LMNB1: variants seen among roughly 807,000 people sequenced by gnomAD.
LMNB1 encodes the protein lamin B1.
Under a neutral mutation model 67.1 loss-of-function variants are expected in LMNB1, and 23 were observed. The ratio of observed to expected loss-of-function variants is 0.34; its 90% CI spans 0.25 to 0.49. LMNB1 has a LOEUF of 0.49. LMNB1 is among the 20% of genes least tolerant of loss of function. The pLI, the probability that LMNB1 is intolerant of heterozygous loss-of-function variation, is 0.99. For missense variants in LMNB1, 634 were observed against 746.5 expected (o/e 0.85, Z 1.76); for synonymous variants, 281 against 282.9 (o/e 0.99, Z 0.07).
In LMNB1 at chr5:126,805,567, A is replaced by T. The variant is rs899901523; in HGVS notation, c.517-4A>T. On this transcript the variant is annotated splice_polypyrimidine_tract_variant and splice_region_variant and intron_variant, in intron 2 of 10. Transcript: ENST00000261366. ...TTTATCACAATTCTTTTTCCTTGTA[A>T]TAGTTGGAAGCCTCCTTAGCTGCAG... is the stretch of plus-strand genomic sequence containing the variant. 1 of 1,588,300 alleles carries T rather than the reference A, an allele frequency of 6.3e-7. No homozygotes were observed. The highest frequency in any genetic ancestry group is 8.6e-7 in the Non-Finnish European group (1 of 1,161,746).
Position 126,833,300 on chromosome 5 carries a change from TAAAG to T in LMNB1, c.1719+503_1719+506del, listed in dbSNP as rs199612875. ...GTTGGGCTTTTGAGAGCCCTTGAAATAAAGAAACTCCAAATTTGGTTTTAATTAT... is the reference window on the plus strand; with the variant it reads ...GTTGGGCTTTTGAGAGCCCTTGAAATAAACTCCAAATTTGGTTTTAATTAT... On this transcript the variant is annotated intron_variant, in intron 10 of 10. Coordinates refer to ENST00000261366, the MANE Select transcript of LMNB1 (RefSeq NM_005573.4). 8.8e-3 allele frequency among the ~76,000 whole-genome samples: 1,343 copies of T among 152,306 alleles called. 11 individuals are homozygous for T. Among genetic ancestry groups the T allele is most frequent in the Non-Finnish European group, 0.01 (714 of 68,014 alleles).
intron 3 of LMNB1, among the ~76,000 whole-genome samples, chr5:126,807,313 T>C (rs1561745552): frequency 6.6e-6 from 1 of 152,224 alleles, no homozygotes; most frequent in South Asian, 2.1e-4. Context: ...TAGGAATTCA[T>C]TGTAGCAGTT....
rs1429293019 is a variant in LMNB1, at chr5:126,822,790, A to G, written c.1396A>G (p.Met466Val). Residue 466 changes from methionine (M) to valine (V), a missense_variant, in exon 8 of 11, where the codon ATG becomes GTG. Physicochemically the swap from Met to Val is conservative, Grantham distance 21 (BLOSUM62 1). Transcript: ENST00000261366. ...TCCTTTCTGTGTGTAGGATCAACCA[A>G]TGGGAGGCTGGGAGATGATCAGAAA... ...LKNTSEQDQP[M>V]GGWEMIRKIG... 85 of 1,606,056 alleles carry G rather than the reference A, an allele frequency of 5.3e-5. No homozygotes were observed. Among genetic ancestry groups the G allele is most frequent in the Non-Finnish European group, 7.1e-5 (83 of 1,173,026 alleles).
chr5:126,798,450 AAAAC>A (rs1216559112), intron 1 of LMNB1, among the ~76,000 whole-genome samples: 2 of 152,172 alleles, frequency 1.3e-5, no homozygotes, highest in African/African-American at 2.4e-5. Flanking sequence ...ACTCTGTCTC[AAAAC>A]AAACAAACAA....
In LMNB1 at chr5:126,777,403, G is replaced by T; in HGVS notation, c.-106G>T. On this transcript the variant is annotated 5_prime_UTR_variant, in exon 1 of 11. Transcript: ENST00000261366. ...TAAACGCCAGCGTCTGGACGTGAGC[G>T]CAGGTCGCCGGTTTGTGCCTTCGGT... is the stretch of plus-strand genomic sequence containing the variant. 1 of 1,197,848 alleles carries T rather than the reference G, an allele frequency of 8.3e-7. No individual in the cohort carries two copies. Among genetic ancestry groups the T allele is most frequent in the Non-Finnish European group, 1.0e-6 (1 of 954,008 alleles). 74.2% of individuals were successfully genotyped at this position (1,197,848 alleles called of 1,614,324 possible). A position where few individuals can be genotyped will look rare whatever the true frequency, so the allele number is the denominator to read the frequency against.
In LMNB1 at chr5:126,819,162, C is replaced by A; in HGVS notation, c.1160+20C>A. ...AGAGAGGTAAGGAACTTAAGGGTCA[C>A]CCTACCTTATGGTCCACTTTTTGCC... is the stretch of plus-strand genomic sequence containing the variant. On this transcript the variant is annotated intron_variant, in intron 6 of 10. Coordinates refer to ENST00000261366, the MANE Select transcript of LMNB1 (RefSeq NM_005573.4). 2 of 1,568,900 alleles carry A rather than the reference C, an allele frequency of 1.3e-6. No homozygotes were observed. The highest frequency in any genetic ancestry group is 1.8e-6 in the Non-Finnish European group (2 of 1,142,300).
At chr5:126,791,703 GTGGTCC>G (rs1399837212) in intron 1 of LMNB1, among the ~76,000 whole-genome samples, 2 of 151,968 alleles carry the variant, frequency 1.3e-5, no homozygotes, top group Admixed American at 1.3e-4. Context: ...CTGAGCTCAA[GTGGTCC>G]TTCTGCCTCA....
intron 3 of LMNB1, among the ~76,000 whole-genome samples, chr5:126,809,298 A>T (rs1283323329): frequency 4.6e-5 from 7 of 152,252 alleles, no homozygotes; most frequent in Non-Finnish European, 8.8e-5. Context: ...TAATATTGTT[A>T]ATAAGATCCT....
At chr5:126,831,106 T>C (rs1261447282) in intron 9 of LMNB1, among the ~76,000 whole-genome samples, 1 of 152,224 alleles carries the variant, frequency 6.6e-6, no homozygotes, top group African/African-American at 2.4e-5. Flanking sequence ...AAACACATTA[T>C]TGGGCATATT....
chr5:126,795,273 G>C (rs1751058304), intron 1 of LMNB1, among the ~76,000 whole-genome samples: 3 of 151,968 alleles, frequency 2.0e-5, no homozygotes. Context: ...TAGTAGCTGG[G>C]ACTACAGGCA....
At position 126,777,270 on chromosome 5, in the gene LMNB1, C is replaced by A; in HGVS notation, c.-239C>A. 1 of 372,188 alleles carries A rather than the reference C, an allele frequency of 2.7e-6. No homozygotes were observed. Among genetic ancestry groups the A allele is most frequent in the East Asian group, 4.1e-5 (1 of 24,360 alleles). The allele number at this position is 372,188 out of a possible 1,614,324, so 23.1% of individuals were successfully genotyped here. On this transcript the variant is annotated 5_prime_UTR_variant, in exon 1 of 11. Transcript: ENST00000261366. ...GTGAGTGGGTGTGTGTGTTTTCTTA[C>A]AAAGGGTATTTCGCGATCGATCGAT...
Position 126,832,767 on chromosome 5 carries a change from G to T in LMNB1, c.1685G>T (p.Gly562Val). ...EEEEEEEEAAGVVVEEELFHQ... is the reference protein window; with the variant it reads ...EEEEEEEEAAVVVVEEELFHQ... ...GAGGAGGAGGAGGAAGAAGCAGCTG[G>T]AGTGGTTGTTGAGGAAGAACTTTTC... Residue 562 changes from glycine to valine, a missense_variant, in exon 10 of 11, where the codon GGA (glycine) becomes GTA (valine). Physicochemically the swap from Gly to Val is moderately radical, Grantham distance 109. Transcript: ENST00000261366. The T allele has an allele frequency of 1.2e-6, 2 of 1,612,286 alleles. No homozygotes were observed. Among genetic ancestry groups the T allele is most frequent in the Non-Finnish European group, 1.7e-6 (2 of 1,178,970 alleles).
At chr5:126,784,014 ATTTTTTTTTTTTT>A (rs61578729) in intron 1 of LMNB1, among the ~76,000 whole-genome samples, 8 of 59,448 alleles carry the variant, frequency 1.3e-4, no homozygotes, top group Middle Eastern at 0.02. Flanking sequence ...CTGTCATTTG[ATTTTTTTTTTTTT>A]TTTTTTTTTT....
intron 9 of LMNB1, among the ~76,000 whole-genome samples, chr5:126,829,237 T>A (rs893909214): frequency 6.6e-6 from 1 of 152,064 alleles, no homozygotes; most frequent in African/African-American, 2.4e-5. Context: ...AATAAAAAAT[T>A]TAAATAGTGG....
In LMNB1 at chr5:126,777,498, C is replaced by G. The variant is rs1417127739; in HGVS notation, c.-11C>G. On this transcript the variant is annotated 5_prime_UTR_variant, in exon 1 of 11. Coordinates refer to ENST00000261366, the MANE Select transcript of LMNB1 (RefSeq NM_005573.4). ...CGCGGCCTCGCCGCCCCGCTGTCTC[C>G]GCCGCCCGCCATGGCGACTGCGACC... The G allele has an allele frequency of 3.0e-6, 4 of 1,326,564 alleles. No individual in the cohort carries two copies. The African/African-American group carries it at 6.2e-5, about 20-fold the overall frequency. The allele number at this position is 1,326,564 out of a possible 1,614,324, so 82.2% of individuals were successfully genotyped here.
At chr5:126,789,055 C>T (rs1750884110) in intron 1 of LMNB1, among the ~76,000 whole-genome samples, 1 of 152,018 alleles carries the variant, frequency 6.6e-6, no homozygotes, top group South Asian at 2.1e-4. Flanking sequence ...ACCACCACGA[C>T]TGGCTAATTT....
At chr5:126,820,416 C>T (rs1333730301) in intron 6 of LMNB1, among the ~76,000 whole-genome samples, 2 of 152,144 alleles carry the variant, frequency 1.3e-5, no homozygotes, top group Non-Finnish European at 2.9e-5. Context: ...AGAAAATTGA[C>T]GATGGGCACC....
In LMNB1 at chr5:126,836,307, T is replaced by G. The variant is rs1051643; in HGVS notation, c.*43T>G. 1 of 1,371,958 alleles carries G rather than the reference T, an allele frequency of 7.3e-7. No homozygotes were observed. Among genetic ancestry groups the G allele is most frequent in the African/African-American group, 1.4e-5 (1 of 69,938 alleles). 85.0% of individuals were successfully genotyped at this position (1,371,958 alleles called of 1,614,324 possible). A position where few individuals can be genotyped will look rare whatever the true frequency, so the allele number is the denominator to read the frequency against. On this transcript the variant is annotated 3_prime_UTR_variant, in exon 11 of 11. Coordinates refer to ENST00000261366, the MANE Select transcript of LMNB1 (RefSeq NM_005573.4). ...CTCAAAATAAAGAAGTATGGTAATC[T>G]TTACCTGTATACAGTGCAGAGCCTT...
At position 126,804,874 on chromosome 5, in the gene LMNB1, T is replaced by G. The variant is rs761744446; in HGVS notation, c.458T>G (p.Leu153Arg). The G allele has an allele frequency of 3.7e-6, 6 of 1,614,084 alleles. No homozygotes were observed. The highest frequency in any genetic ancestry group is 5.1e-6 in the Non-Finnish European group (6 of 1,179,984). Residue 153 changes from leucine to arginine, a missense_variant, in exon 2 of 11, where the codon CTT (leucine) becomes CGT (arginine). Transcript: ENST00000261366. ...NSKDAALATALGDKKSLEGDL... is the reference protein window; with the variant it reads ...NSKDAALATARGDKKSLEGDL... ...AAAGATGCAGCTCTTGCTACTGCACTTGGTGACAAAAAAAGTTTAGAGGGA... is the reference window on the plus strand; with the variant it reads ...AAAGATGCAGCTCTTGCTACTGCACGTGGTGACAAAAAAAGTTTAGAGGGA...
Sources: allele counts gnomAD v4.1 joint callset (sites outside exome capture counted in the v4.1 genomes callset), GRCh38; gene constraint gnomAD v4.1.1; transcripts MANE v1.5; gene names NCBI Gene and HGNC (gene_info 2026-07-23, HGNC 2026-07-21).